The following SOX5 variants were observed in gnomAD, a reference collection of about 807,000 sequenced individuals.
SOX5 encodes SRY-box transcription factor 5.
Under a neutral mutation model 92.0 loss-of-function variants are expected in SOX5, and 9 were observed. That is an observed-to-expected ratio of 0.10 (90% CI 0.06 to 0.17). SOX5 has a LOEUF of 0.17. SOX5 is among the 10% of genes least tolerant of loss of function. SOX5 has a pLI of 1.00. For missense variants in SOX5, 642 were observed against 944.5 expected (o/e 0.68, Z 4.20); for synonymous variants, 344 against 336.3 (o/e 1.02, Z -0.25).
At chr12:24,297,656 T>C (rs188830263) in intron 2 of SOX5, among the ~76,000 whole-genome samples, 9 of 152,338 alleles carry the variant, frequency 5.9e-5, no homozygotes, top group Admixed American at 1.3e-4. Context: ...GCATTCCCAG[T>C]GCTGCAGGTC....
intron 2 of SOX5, among the ~76,000 whole-genome samples, chr12:23,883,014 T>A (rs893186455): frequency 2.0e-5 from 3 of 152,008 alleles, no homozygotes; most frequent in African/African-American, 7.3e-5. Context: ...ACCCCGTCTC[T>A]ACTAAAAATA....
At chr12:24,430,730 T>C (rs991976997) in intron 1 of SOX5, among the ~76,000 whole-genome samples, 22 of 152,304 alleles carry the variant, frequency 1.4e-4, no homozygotes, top group Admixed American at 3.3e-4. Context: ...TGCATATCAC[T>C]TATTTTCAAG....
chr12:23,575,244 C>T (rs189691259), intron 10 of SOX5, among the ~76,000 whole-genome samples: 25 of 152,218 alleles, frequency 1.6e-4, no homozygotes, highest in African/African-American at 6.0e-4. Context: ...AACTTCACAT[C>T]CTTATGGTTG....
rs2095205792 is a variant in SOX5, at chr12:23,779,278, A to C, written c.482-23554T>G. ...AGCAAATTCAAGAGCAATTATTGCA[A>C]AAAAGGGGAGATTACACTTATTACA... On this transcript the variant is annotated intron_variant, in intron 3 of 14. Coordinates refer to ENST00000451604, the MANE Select transcript of SOX5 (RefSeq NM_006940.6). Among the ~76,000 whole-genome samples, 4 of 151,756 alleles carry C rather than the reference A, an allele frequency of 2.6e-5. No homozygotes were observed. The South Asian group carries it at 6.3e-4, about 24-fold the overall frequency.
At chr12:23,659,194 A>G (rs1259735133) in intron 7 of SOX5, among the ~76,000 whole-genome samples, 1 of 152,190 alleles carries the variant, frequency 6.6e-6, no homozygotes, top group Non-Finnish European at 1.5e-5. Context: ...CATAAGAGAT[A>G]TAATGGAACC....
intron 2 of SOX5, among the ~76,000 whole-genome samples, chr12:24,288,151 G>C (rs764686477): frequency 6.6e-6 from 1 of 152,140 alleles, no homozygotes; most frequent in Non-Finnish European, 1.5e-5. Context: ...ATTTGGGAGT[G>C]TCTGGAAATA....
At chr12:24,543,029 T>C (rs924778002) in intron 1 of SOX5, among the ~76,000 whole-genome samples, 2 of 152,220 alleles carry the variant, frequency 1.3e-5, no homozygotes, top group Non-Finnish European at 2.9e-5. Flanking sequence ...CAATGAAACA[T>C]TGATAAATTA....
At position 24,014,163 on chromosome 12, in the gene SOX5, G is replaced by A. The variant is rs531388509; in HGVS notation, c.-1-118139C>T. 9.9e-5 allele frequency among the ~76,000 whole-genome samples: 15 copies of A among 152,246 alleles called. No individual in the cohort carries two copies. In the South Asian group the frequency reaches 3.1e-3, roughly 32 times the overall value. On this transcript the variant is annotated intron_variant, in intron 4 of 4. Coordinates refer to the SOX5 transcript ENST00000446891. Reference sequence around the variant, plus strand: ...GAGGAGATGAAGCATGGATTCCACAGGGCATTTTAAAATAAGCTAGTTGCT... The same window carrying A: ...GAGGAGATGAAGCATGGATTCCACAAGGCATTTTAAAATAAGCTAGTTGCT...
At chr12:24,010,579 A>T (rs945415248) in intron 4 of SOX5, among the ~76,000 whole-genome samples, 1 of 152,202 alleles carries the variant, frequency 6.6e-6, no homozygotes, top group Non-Finnish European at 1.5e-5. Context: ...ACACCTTATT[A>T]AAAAATTGCC....
chr12:23,969,245 C>T (rs1387627917), intron 4 of SOX5, among the ~76,000 whole-genome samples: 1 of 152,126 alleles, frequency 6.6e-6, no homozygotes, highest in Non-Finnish European at 1.5e-5. Flanking sequence ...CTGTAAAAGT[C>T]CAAAGCATCA....
At chr12:24,410,079 C>A (rs970154667) in intron 1 of SOX5, among the ~76,000 whole-genome samples, 2 of 151,986 alleles carry the variant, frequency 1.3e-5, no homozygotes, top group Admixed American at 1.3e-4. Context: ...CTCACTGCAG[C>A]CTCGACCTCC....
intron 4 of SOX5, among the ~76,000 whole-genome samples, chr12:24,149,232 A>G (rs956453405): frequency 2.6e-5 from 4 of 152,116 alleles, no homozygotes; most frequent in African/African-American, 7.2e-5. Flanking sequence ...GATTTCATCA[A>G]AAATTGTCAA....
intron 1 of SOX5, among the ~76,000 whole-genome samples, chr12:24,454,579 T>TC (rs1179277801): frequency 3.9e-5 from 6 of 152,176 alleles, no homozygotes; most frequent in African/African-American, 1.4e-4. Flanking sequence ...TTCTATTTTT[T>TC]CCACTTAAGA....
chr12:23,800,338 G>A (rs1367605724), intron 3 of SOX5, among the ~76,000 whole-genome samples: 2 of 152,024 alleles, frequency 1.3e-5, no homozygotes, highest in East Asian at 1.9e-4. Flanking sequence ...ACCCTGATAA[G>A]GTTTGCACAA....
intron 6 of SOX5, among the ~76,000 whole-genome samples, chr12:23,723,180 T>G (rs577656516): frequency 4.2e-4 from 63 of 151,068 alleles, no homozygotes; most frequent in African/African-American, 1.5e-3. Context: ...TTTGGGCTTG[T>G]TTATGTTTTC....
chr12:23,555,380 C>T (rs960409792), intron 11 of SOX5, among the ~76,000 whole-genome samples: 2 of 151,976 alleles, frequency 1.3e-5, no homozygotes, highest in African/African-American at 4.8e-5. Context: ...GACCATCCTA[C>T]ACTAACCCCT....
chr12:24,345,170 AC>A, intron 2 of SOX5, among the ~76,000 whole-genome samples: 1 of 152,340 alleles, frequency 6.6e-6, no homozygotes, highest in South Asian at 2.1e-4. Context: ...GGTATATTAG[AC>A]ATGGAAAACA....
chr12:24,524,413 A>G (rs1437326547), intron 1 of SOX5, among the ~76,000 whole-genome samples: 1 of 151,464 alleles, frequency 6.6e-6, no homozygotes, highest in Non-Finnish European at 1.5e-5. Context: ...CCTTCTATCC[A>G]TCCTACTGCT....
intron 1 of SOX5, among the ~76,000 whole-genome samples, chr12:24,507,722 C>A (rs942874380): frequency 3.3e-5 from 5 of 151,888 alleles, no homozygotes; most frequent in Non-Finnish European, 7.4e-5. Context: ...TTTGAAGACA[C>A]CTATGGAAAG....
Sources: gnomAD v4.1 joint callset for allele counts (sites outside exome capture counted in the v4.1 genomes callset) on GRCh38, gnomAD v4.1.1 for gene constraint, MANE v1.5 for transcripts, NCBI Gene and HGNC (gene_info 2026-07-23, HGNC 2026-07-21) for gene names.